Variants in DHDDS observed in about 807,000 individuals in gnomAD.
DHDDS encodes dehydrodolichyl diphosphate synthase complex subunit DHDDS.
DHDDS carries 16 observed loss-of-function variants against 46.2 expected under a neutral mutation model. That is an observed-to-expected ratio of 0.35 (90% confidence interval 0.23 to 0.53). DHDDS has a LOEUF of 0.53. DHDDS is among the 20% of genes least tolerant of loss of function. DHDDS has a pLI of 0.94. For missense variants in DHDDS, 340 were observed against 423.7 expected (o/e 0.80, Z 1.73); for synonymous variants, 151 against 163.1 (o/e 0.93, Z 0.56).
intron 8 of DHDDS, among the ~76,000 whole-genome samples, chr1:26,464,059 C>T (rs1229743178): frequency 1.6e-5 from 2 of 126,500 alleles, no homozygotes; most frequent in Non-Finnish European, 3.1e-5. Flanking sequence ...GTGGCATGAT[C>T]TCGGCTCACT....
chr1:26,446,350 G>A lies in DHDDS; in HGVS notation c.358G>A (p.Val120Ile). 2 of 1,614,050 alleles carry A rather than the reference G, an allele frequency of 1.2e-6. No homozygotes were observed. Among genetic ancestry groups the A allele is most frequent in the Non-Finnish European group, 8.5e-7 (1 of 1,179,948 alleles). Residue 120 changes from valine (V) to isoleucine (I), a missense_variant, in exon 5 of 9, where the codon GTC (valine) becomes ATC (isoleucine). Val to Ile is a conservative substitution (Grantham distance 29, BLOSUM62 3). Transcript: ENST00000236342. ...GCAGAAGCATGGGGTGTGTATCCGGGTCCTGGGCGATCTGCACTTGTTGCC... is the reference window on the plus strand; with the variant it reads ...GCAGAAGCATGGGGTGTGTATCCGGATCCTGGGCGATCTGCACTTGTTGCC... ...KLQKHGVCIR[V>I]LGDLHLLPLD...
rs1356618997 is a variant in DHDDS, at chr1:26,468,888, C to G, written c.766-7C>G. 1.9e-6 allele frequency: 3 copies of G among 1,570,724 alleles called. No homozygotes were observed. The highest frequency in any genetic ancestry group is 2.6e-6 in the Non-Finnish European group (3 of 1,152,788). On this transcript the variant is annotated splice_polypyrimidine_tract_variant and splice_region_variant and intron_variant, in intron 8 of 8. Transcript: ENST00000236342. ...TCCCCACCCCAATCCCCACTTTTCT[C>G]TAGCAGAAGGCCCGAGACATGTATG... is the stretch of plus-strand genomic sequence containing the variant.
chr1:26,462,394 G>A (rs1175341396), intron 8 of DHDDS, among the ~76,000 whole-genome samples: 1 of 152,124 alleles, frequency 6.6e-6, no homozygotes, highest in Non-Finnish European at 1.5e-5. Context: ...ATCCTTGAGG[G>A]GTAGGGCTGT....
intron 6 of DHDDS, among the ~76,000 whole-genome samples, chr1:26,457,365 C>G (rs1054627165): frequency 6.7e-6 from 1 of 150,148 alleles, no homozygotes; most frequent in Admixed American, 6.6e-5. Flanking sequence ...CCCAGCTACT[C>G]GGGAGGCTGA....
chr1:26,440,817 A>G (rs938522876), intron 3 of DHDDS, among the ~76,000 whole-genome samples: 7 of 151,916 alleles, frequency 4.6e-5, no homozygotes, highest in African/African-American at 1.2e-4. Context: ...TCTGTTGTCT[A>G]CGTTTAACCT....
At chr1:26,438,961 C>T (rs2075189260) in intron 3 of DHDDS, among the ~76,000 whole-genome samples, 1 of 152,184 alleles carries the variant, frequency 6.6e-6, no homozygotes, top group African/African-American at 2.4e-5. Flanking sequence ...TTGAGACAGT[C>T]TCACTCTGTT....
At chr1:26,468,755 C>T (rs1454310224) in intron 8 of DHDDS, 140 bp from the exon 9 acceptor site, 32 of 1,214,136 alleles carry the variant, frequency 2.6e-5, no homozygotes, top group Non-Finnish European at 3.7e-5. Flanking sequence ...TACTCCCAAG[C>T]CTTTTCAAAT....
rs922929431 is a variant in DHDDS at position 26,438,101 on chromosome 1, G to T, written c.64-67G>T. The T allele has an allele frequency of 2.2e-5, 33 of 1,519,012 alleles. No homozygotes were observed. The Middle Eastern group carries it at 1.0e-3, about 47-fold the overall frequency. The allele number at this position is 1,519,012 out of a possible 1,614,324, so 94.1% of individuals were successfully genotyped here. A position where few individuals can be genotyped will look rare whatever the true frequency, so the allele number is the denominator to read the frequency against. ...CATAGCCCAAACATATCACCTTGGG[G>T]TGTAGTGTCTTCCTTTATCCCTGAA... On this transcript the variant is annotated intron_variant, in intron 2 of 8. Coordinates refer to ENST00000236342, the MANE Select transcript of DHDDS (RefSeq NM_205861.3).
chr1:26,453,210 C>T (rs769784596), intron 6 of DHDDS, among the ~76,000 whole-genome samples: 2 of 152,052 alleles, frequency 1.3e-5, no homozygotes, highest in African/African-American at 4.8e-5. Flanking sequence ...TTCAATGTTA[C>T]GAGTACTTTT....
intron 6 of DHDDS, among the ~76,000 whole-genome samples, chr1:26,450,785 G>A (rs867966322): frequency 1.3e-5 from 2 of 152,136 alleles, no homozygotes; most frequent in African/African-American, 4.8e-5. Context: ...CAGAAAAGGG[G>A]TATAGAAATA....
chr1:26,451,606 C>T (rs988752853), intron 6 of DHDDS, among the ~76,000 whole-genome samples: 2 of 151,618 alleles, frequency 1.3e-5, no homozygotes, highest in East Asian at 3.9e-4. Context: ...TAGGTGCACA[C>T]CACCACACCC....
chr1:26,469,345 G>A lies in DHDDS; in HGVS notation c.*214G>A, dbSNP rs1428225691. The A allele has an allele frequency of 2.0e-5, 17 of 829,818 alleles. No individual in the cohort carries two copies. The highest frequency in any genetic ancestry group is 1.0e-4 in the African/African-American group (6 of 58,708). 51.4% of individuals were successfully genotyped at this position (829,818 alleles called of 1,614,324 possible). ...AGGATTGAGGGTGAAAGTCTCCCACGAGTACACTAAACCTAGGTCTGGTCA... is the reference window on the plus strand; with the variant it reads ...AGGATTGAGGGTGAAAGTCTCCCACAAGTACACTAAACCTAGGTCTGGTCA... On this transcript the variant is annotated 3_prime_UTR_variant, in exon 9 of 9. Coordinates refer to ENST00000236342, the MANE Select transcript of DHDDS (RefSeq NM_205861.3).
intron 6 of DHDDS, among the ~76,000 whole-genome samples, chr1:26,452,735 T>C (rs912903215): frequency 1.3e-5 from 2 of 152,214 alleles, no homozygotes; most frequent in Non-Finnish European, 2.9e-5. Flanking sequence ...CTTCAGAGCC[T>C]GTGTTCTCAT....
At chr1:26,438,604 GC>G in intron 3 of DHDDS, 1 of 336,842 alleles carries the variant, frequency 3.0e-6, no homozygotes, top group South Asian at 2.4e-5. Context: ...GCACACCTGT[GC>G]CCCCAGCTAC....
intron 6 of DHDDS, among the ~76,000 whole-genome samples, chr1:26,455,366 C>T (rs970798993): frequency 6.6e-6 from 1 of 152,050 alleles, no homozygotes; most frequent in Non-Finnish European, 1.5e-5. Context: ...CTTCTTATTG[C>T]TCAATTATAA....
intron 4 of DHDDS, among the ~76,000 whole-genome samples, chr1:26,444,508 G>A (rs11584995): frequency 0.19 from 29,174 of 152,178 alleles, 3,721 homozygotes; most frequent in Middle Eastern, 0.28. Context: ...GGAAGCCAAG[G>A]AGGGTACATT....
intron 5 of DHDDS, 116 bp downstream of exon 5, chr1:26,446,548 T>A: frequency 2.2e-6 from 2 of 919,648 alleles, no homozygotes; most frequent in Non-Finnish European, 3.6e-6. Flanking sequence ...AATGAGAGAG[T>A]AGGTTGAGCA....
chr1:26,451,403 GATGTGTGTGTGT>G (rs1394791524), intron 6 of DHDDS, among the ~76,000 whole-genome samples: 6 of 102,212 alleles, frequency 5.9e-5, no homozygotes, highest in African/African-American at 2.3e-4. Context: ...TATGTATGTA[GATGTGTGTGTGT>G]GTGTGTGTGT....
intron 6 of DHDDS, among the ~76,000 whole-genome samples, chr1:26,456,604 G>A (rs1325485045): frequency 6.6e-6 from 1 of 152,170 alleles, no homozygotes; most frequent in African/African-American, 2.4e-5. Flanking sequence ...TGTTGGCCAG[G>A]CTGGTCTCAA....
Sources: gnomAD v4.1 joint callset for allele counts (sites outside exome capture counted in the v4.1 genomes callset) on GRCh38, gnomAD v4.1.1 for gene constraint, MANE v1.5 for transcripts, NCBI Gene and HGNC (gene_info 2026-07-23, HGNC 2026-07-21) for gene names.